Variants in DCK observed in about 807,000 individuals in gnomAD.
DCK encodes deoxyadenosine kinase.
A neutral mutation model predicts 38.3 loss-of-function variants in DCK; 23 were observed. The ratio of observed to expected loss-of-function variants is 0.60; its 90% CI spans 0.43 to 0.85. The LOEUF (loss-of-function observed/expected upper bound fraction) is 0.85. DCK is among the 40% of genes least tolerant of loss of function. DCK has a pLI of 0.00. For missense variants in DCK, 259 were observed against 304.4 expected (o/e 0.85, Z 1.11); for synonymous variants, 108 against 100.6 (o/e 1.07, Z -0.44).
chr4:71,018,126 C>CTTTTTT (rs35755135), intron 2 of DCK, among the ~76,000 whole-genome samples: 1 of 126,806 alleles, frequency 7.9e-6, no homozygotes, highest in Non-Finnish European at 1.6e-5. Flanking sequence ...TAGATTATTT[C>CTTTTTT]TTTTTTTTTT....
In DCK at chr4:70,993,692, C is replaced by T. The variant is rs1739589521; in HGVS notation, c.-144C>T. The T allele has an allele frequency of 1.7e-6, 1 of 586,478 alleles. No individual in the cohort carries two copies. Among genetic ancestry groups the T allele is most frequent in the Admixed American group, 3.2e-5 (1 of 31,484 alleles). The allele number at this position is 586,478 out of a possible 1,614,324, so 36.3% of individuals were successfully genotyped here. A position where few individuals can be genotyped will look rare whatever the true frequency, so the allele number is the denominator to read the frequency against. On this transcript the variant is annotated 5_prime_UTR_variant, in exon 1 of 7. Coordinates refer to ENST00000286648, the MANE Select transcript of DCK (RefSeq NM_000788.3). ...CGCGCGCCAAAGTCAAACCCCGACACCCGCCGGCGGGCCGGTGAGCTCACT... is the reference window on the plus strand; with the variant it reads ...CGCGCGCCAAAGTCAAACCCCGACATCCGCCGGCGGGCCGGTGAGCTCACT...
intron 2 of DCK, among the ~76,000 whole-genome samples, chr4:71,007,840 C>T (rs576578404): frequency 2.6e-5 from 4 of 152,226 alleles, no homozygotes; most frequent in African/African-American, 9.6e-5. Flanking sequence ...CCTCAGCCTC[C>T]TGAGTATCTA....
intron 6 of DCK, chr4:71,028,723 G>T (rs1420746626): frequency 7.5e-6 from 3 of 401,830 alleles, no homozygotes; most frequent in Admixed American, 6.2e-5. Context: ...CTCCTAAGTA[G>T]GTGGGATTAC....
intron 1 of DCK, among the ~76,000 whole-genome samples, chr4:70,994,853 A>G (rs1578416090): frequency 6.6e-6 from 1 of 152,208 alleles, no homozygotes; most frequent in East Asian, 1.9e-4. Flanking sequence ...AGACTAGGCC[A>G]TGCCTGTCAC....
chr4:71,027,698 A>G (rs1740576979), intron 6 of DCK, among the ~76,000 whole-genome samples: 1 of 152,168 alleles, frequency 6.6e-6, no homozygotes, highest in Non-Finnish European at 1.5e-5. Context: ...GTATACATGT[A>G]GTTGTTTTTC....
chr4:71,026,896 T>C (rs1162740808), intron 6 of DCK, 141 bp downstream of exon 6: 2 of 497,462 alleles, frequency 4.0e-6, no homozygotes, highest in Non-Finnish European at 7.1e-6. Flanking sequence ...TTTTGGACTG[T>C]TTAAGATTCC....
chr4:71,027,261 A>G (rs1157390095), intron 6 of DCK, among the ~76,000 whole-genome samples: 1 of 152,100 alleles, frequency 6.6e-6, no homozygotes, highest in Non-Finnish European at 1.5e-5. Flanking sequence ...ATGTTGGCCA[A>G]AGTCTTGAGA....
intron 2 of DCK, among the ~76,000 whole-genome samples, chr4:71,011,786 C>T (rs2148915557): frequency 6.6e-6 from 1 of 152,188 alleles, no homozygotes; most frequent in East Asian, 1.9e-4. Flanking sequence ...TATAGCTGAC[C>T]TTGATATTTC....
chr4:70,998,725 A>T (rs1578417679), intron 2 of DCK, among the ~76,000 whole-genome samples: 1 of 152,046 alleles, frequency 6.6e-6, no homozygotes, highest in African/African-American at 2.4e-5. Context: ...GGAGTTCAAG[A>T]CCAGCCTCGT....
At chr4:71,015,741 G>A (rs866843711) in intron 2 of DCK, among the ~76,000 whole-genome samples, 5 of 152,222 alleles carry the variant, frequency 3.3e-5, no homozygotes, top group African/African-American at 9.6e-5. Context: ...CAACCCTTAT[G>A]CTAAAAACTC....
chr4:70,995,338 G>A (rs1484069973), intron 1 of DCK, among the ~76,000 whole-genome samples: 5 of 152,210 alleles, frequency 3.3e-5, no homozygotes, highest in Non-Finnish European at 7.3e-5. Flanking sequence ...TGTAATCCCA[G>A]GATTTGGGGA....
Position 71,030,790 on chromosome 4 carries a change from C to T in DCK, c.*1412C>T, listed in dbSNP as rs1299594692. The T allele has an allele frequency of 6.6e-6, 1 of 151,724 alleles. No individual in the cohort carries two copies. The highest frequency in any genetic ancestry group is 2.4e-5 in the African/African-American group (1 of 41,304). 9.4% of individuals were successfully genotyped at this position (151,724 alleles called of 1,614,324 possible). Reference sequence around the variant, plus strand: ...AAAATTGTATAAATTACTTTGATTCCATTTTAAGTGGAGACATATTTCAGT... The same window carrying T: ...AAAATTGTATAAATTACTTTGATTCTATTTTAAGTGGAGACATATTTCAGT... On this transcript the variant is annotated 3_prime_UTR_variant, in exon 7 of 7. Coordinates refer to ENST00000286648, the MANE Select transcript of DCK (RefSeq NM_000788.3).
intron 6 of DCK, chr4:71,028,680 C>A: frequency 2.2e-6 from 1 of 446,142 alleles, no homozygotes; most frequent in Non-Finnish European, 4.5e-6. Context: ...ACTGCCATCT[C>A]CACCTCCCAG....
intron 2 of DCK, among the ~76,000 whole-genome samples, chr4:71,014,722 T>C (rs1043223260): frequency 3.9e-5 from 6 of 152,118 alleles, no homozygotes; most frequent in Admixed American, 2.0e-4. Context: ...TTGAAACCAA[T>C]GAGAACAAAG....
At chr4:71,028,538 T>TA (rs1406314637) in intron 6 of DCK, 1 of 375,680 alleles carries the variant, frequency 2.7e-6, no homozygotes. Context: ...GACAGAGCAA[T>TA]AAATAACTCC....
At chr4:71,023,785 C>G (rs982296813) in intron 4 of DCK, 79 bp downstream of exon 4, 1 of 1,362,466 alleles carries the variant, frequency 7.3e-7, no homozygotes. Flanking sequence ...ATAATGAGGG[C>G]AATTTAGTTT....
At chr4:71,013,340 A>G (rs1335417105) in intron 2 of DCK, among the ~76,000 whole-genome samples, 1 of 152,232 alleles carries the variant, frequency 6.6e-6, no homozygotes, top group Non-Finnish European at 1.5e-5. Flanking sequence ...ACACTTCAGG[A>G]TATTATCCAG....
intron 2 of DCK, among the ~76,000 whole-genome samples, chr4:71,010,129 T>TA (rs1353395225): frequency 1.6e-4 from 25 of 151,906 alleles, no homozygotes; most frequent in African/African-American, 6.0e-4. Flanking sequence ...TTTAGCAACT[T>TA]ACTGTGCACC....
chr4:71,005,038 ACTC>A (rs1739905665), intron 2 of DCK, among the ~76,000 whole-genome samples: 1 of 151,028 alleles, frequency 6.6e-6, no homozygotes, highest in African/African-American at 2.4e-5. Flanking sequence ...ATGAAAAAAA[ACTC>A]CTGCAGCTAA....
Sources: gnomAD v4.1 joint callset for allele counts (sites outside exome capture counted in the v4.1 genomes callset) on GRCh38, gnomAD v4.1.1 for gene constraint, MANE v1.5 for transcripts, NCBI Gene and HGNC (gene_info 2026-07-23, HGNC 2026-07-21) for gene names.